Variants in RPTOR observed in about 807,000 individuals in gnomAD.
RPTOR encodes the protein regulatory-associated protein of mTOR.
Under a neutral mutation model 169.9 loss-of-function variants are expected in RPTOR, and 21 were observed. That is an observed-to-expected ratio of 0.12 (90% CI 0.09 to 0.18). RPTOR has a LOEUF of 0.18. Among genes scored for constraint, RPTOR ranks in the 10% least tolerant of loss-of-function variants. The pLI, the probability that RPTOR is intolerant of heterozygous loss-of-function variation, is 1.00. For synonymous variants in RPTOR, 732 were observed against 753.2 expected (o/e 0.97, Z 0.46); for missense variants, 1,133 against 1,855.9 (o/e 0.61, Z 7.16).
intron 10 of RPTOR, among the ~76,000 whole-genome samples, chr17:80,840,385 ACT>A (rs750269968): frequency 7.3e-6 from 1 of 136,724 alleles, no homozygotes; most frequent in Non-Finnish European, 1.6e-5. Flanking sequence ...ACGGCAGCTC[ACT>A]CTCACTGCAT....
In RPTOR at chr17:80,878,626, A is replaced by G. The variant is rs1184303018; in HGVS notation, c.1510-1789A>G. On this transcript the variant is annotated intron_variant, in intron 13 of 33. Coordinates refer to ENST00000306801, the MANE Select transcript of RPTOR (RefSeq NM_020761.3). This position sits in a 1 kb window ranked among gnomAD's most constrained non-coding sequence, Gnocchi z 4.1. ...CTCCCAAAGTGCTGGGATTATAGGCATGAGCCACCACGCCCAGCTGAGCAC... is the reference window on the plus strand; with the variant it reads ...CTCCCAAAGTGCTGGGATTATAGGCGTGAGCCACCACGCCCAGCTGAGCAC... 1.3e-5 allele frequency among the ~76,000 whole-genome samples: 2 copies of G among 152,274 alleles called. No individual in the cohort carries two copies. The highest frequency in any genetic ancestry group is 2.4e-5 in the African/African-American group (1 of 41,552).
intron 1 of RPTOR, among the ~76,000 whole-genome samples, chr17:80,610,923 G>A (rs772368210): frequency 2.2e-4 from 34 of 152,174 alleles, no homozygotes; most frequent in Non-Finnish European, 3.7e-4. Flanking sequence ...GAATTTTCGA[G>A]TGCAGATATA....
intron 3 of RPTOR, among the ~76,000 whole-genome samples, chr17:80,665,271 G>A (rs930220781): frequency 6.6e-6 from 1 of 151,528 alleles, no homozygotes; most frequent in South Asian, 2.1e-4. Flanking sequence ...CCTCATTACC[G>A]GCGTGCATCC....
At chr17:80,890,517 G>A (rs2068308040) in intron 17 of RPTOR, among the ~76,000 whole-genome samples, 1 of 137,942 alleles carries the variant, frequency 7.2e-6, no homozygotes, top group South Asian at 2.6e-4. Context: ...CTGGGCCATG[G>A]CCCTTGGTGC....
chr17:80,705,119 C>T (rs1411223802), intron 3 of RPTOR, among the ~76,000 whole-genome samples: 1 of 152,270 alleles, frequency 6.6e-6, no homozygotes, highest in African/African-American at 2.4e-5. Context: ...TGGCCCTGGG[C>T]TCCCTGTGGG....
At chr17:80,736,723 G>A (rs944356513) in intron 5 of RPTOR, among the ~76,000 whole-genome samples, 3 of 152,222 alleles carry the variant, frequency 2.0e-5, no homozygotes, top group Non-Finnish European at 4.4e-5. Flanking sequence ...CCTGCTGAAG[G>A]TTGTGGTTGT....
intron 21 of RPTOR, 21 bp from the exon 22 acceptor site, chr17:80,922,703 C>T: frequency 6.4e-7 from 1 of 1,558,750 alleles, no homozygotes. Flanking sequence ...GACCTTCACA[C>T]CCCCATTCCT....
Position 80,648,024 on chromosome 17 carries a change from G to T in RPTOR, c.348+4214G>T, listed in dbSNP as rs375345224. On this transcript the variant is annotated intron_variant, in intron 3 of 33. Transcript: ENST00000306801. Reference sequence around the variant, plus strand: ...GGGATGAAAGTTGGTTTTGCCATTAGATAAACATGTTTTTTATAGTGCCTA... The same window carrying T: ...GGGATGAAAGTTGGTTTTGCCATTATATAAACATGTTTTTTATAGTGCCTA... 3.1e-4 allele frequency among the ~76,000 whole-genome samples: 47 copies of T among 152,256 alleles called. No individual in the cohort carries two copies. In the South Asian group the frequency reaches 7.7e-3, roughly 25 times the overall value.
chr17:80,868,741 C>T (rs953952036), intron 13 of RPTOR, among the ~76,000 whole-genome samples: 5 of 152,232 alleles, frequency 3.3e-5, no homozygotes, highest in Middle Eastern at 3.4e-3. Context: ...CATTAACAAG[C>T]GGATGAATAA....
intron 28 of RPTOR, among the ~76,000 whole-genome samples, chr17:80,952,679 G>T (rs574185309): frequency 6.6e-6 from 1 of 151,934 alleles, no homozygotes; most frequent in Non-Finnish European, 1.5e-5. Context: ...TGTTCTGCTC[G>T]TGTCACTGCT....
chr17:80,791,361 C>A, intron 6 of RPTOR, 89 bp from the exon 7 acceptor site: 2 of 1,184,142 alleles, frequency 1.7e-6, no homozygotes, highest in Non-Finnish European at 1.2e-6. Context: ...CTGTCCCCAC[C>A]TTTAACTCTT....
intron 5 of RPTOR, among the ~76,000 whole-genome samples, chr17:80,749,046 G>C (rs2066606212): frequency 2.0e-5 from 1 of 49,978 alleles, no homozygotes; most frequent in Admixed American, 1.8e-4. Flanking sequence ...CTGTTGGATG[G>C]AGGGACTGCG....
intron 3 of RPTOR, among the ~76,000 whole-genome samples, chr17:80,674,054 C>A (rs558567789): frequency 3.9e-5 from 6 of 152,322 alleles, no homozygotes; most frequent in Non-Finnish European, 8.8e-5. Flanking sequence ...TTGCCCCCAT[C>A]AACTTTTTGT....
intron 21 of RPTOR, among the ~76,000 whole-genome samples, chr17:80,914,029 G>A (rs1251948516): frequency 6.6e-6 from 1 of 152,254 alleles, no homozygotes; most frequent in Non-Finnish European, 1.5e-5. Context: ...TGAAGAGTGT[G>A]TGTGCATGTG....
chr17:80,902,897 T>C (rs529528259), intron 20 of RPTOR, among the ~76,000 whole-genome samples: 2 of 152,206 alleles, frequency 1.3e-5, no homozygotes, highest in South Asian at 4.1e-4. Flanking sequence ...ACACCCGTGC[T>C]GAGAGGCGAG....
intron 13 of RPTOR, among the ~76,000 whole-genome samples, chr17:80,875,186 G>C (rs903328725): frequency 6.6e-6 from 1 of 152,150 alleles, no homozygotes. Context: ...GGCATCTTTT[G>C]CCAGAATATT....
rs62067957 is a variant in RPTOR at position 80,743,728 on chromosome 17, C to G, written c.655-10282C>G. Among the ~76,000 whole-genome samples the G allele has an allele frequency of 3.3e-3, 398 of 121,890 alleles. 17 individuals carry two copies. The highest frequency in any genetic ancestry group is 9.0e-3 in the Middle Eastern group (2 of 222). The allele number at this position is 121,890 out of a possible 152,430, so 80.0% of individuals were successfully genotyped here. A position where few individuals can be genotyped will look rare whatever the true frequency, so the allele number is the denominator to read the frequency against. On this transcript the variant is annotated intron_variant, in intron 5 of 33. Coordinates refer to ENST00000306801, the MANE Select transcript of RPTOR (RefSeq NM_020761.3). Reference sequence around the variant, plus strand: ...ACTAGCACTGTCCTGGCTACGAGCACAGCCCTGGCTACTAGCAGAGCCCTG... The same window carrying G: ...ACTAGCACTGTCCTGGCTACGAGCAGAGCCCTGGCTACTAGCAGAGCCCTG...
At chr17:80,608,043 T>G (rs1470110293) in intron 1 of RPTOR, among the ~76,000 whole-genome samples, 1 of 152,198 alleles carries the variant, frequency 6.6e-6, no homozygotes, top group Admixed American at 6.6e-5. Flanking sequence ...GGTGTATTGC[T>G]AATGTTGGGT....
In RPTOR at chr17:80,923,497, C is replaced by A; in HGVS notation, c.2632C>A (p.Pro878Thr). The change falls in exon 23 of 34, where the codon CCT (proline) becomes ACT (threonine). Residue 878 changes from proline to threonine, a missense_variant. Around this residue, in one of 9 missense-constraint regions of RPTOR, gnomAD observed 123 missense variants for 129.0 expected, o/e 0.95. Coordinates refer to ENST00000306801, the MANE Select transcript of RPTOR (RefSeq NM_020761.3). ...TTTTTCTTCCAATGGCAGGGGCTCC[C>A]CTCCGGCGTCCAGCACCAGCAGCTC... The part of the protein sequence containing the change: ...GVHIHQAGGS[P>T]PASSTSSSSL... The A allele has an allele frequency of 6.2e-7, 1 of 1,613,442 alleles. No individual in the cohort carries two copies. The highest frequency in any genetic ancestry group is 1.1e-5 in the South Asian group (1 of 91,086).
Sources: allele counts gnomAD v4.1 joint callset (sites outside exome capture counted in the v4.1 genomes callset), GRCh38; gene constraint gnomAD v4.1.1; regional missense constraint gnomAD v4.1.1; non-coding constraint Gnocchi (gnomAD v3.1); transcripts MANE v1.5; gene names NCBI Gene and HGNC (gene_info 2026-07-23, HGNC 2026-07-21).